Variants in PRKAR1A observed in about 807,000 individuals in gnomAD.
The protein encoded by PRKAR1A is protein kinase cAMP-dependent type I regulatory subunit alpha.
PRKAR1A carries 3 observed loss-of-function variants against 52.0 expected under a neutral mutation model. That is an observed-to-expected ratio of 0.06 (90% CI 0.03 to 0.15). The LOEUF is 0.15. PRKAR1A is among the 10% of genes least tolerant of loss of function. The probability of loss-of-function intolerance (pLI) is 1.00; values close to 1 mark genes in which losing one functional copy is unlikely to be tolerated. For missense variants in PRKAR1A, 240 were observed against 477.4 expected (o/e 0.50, Z 4.63); for synonymous variants, 188 against 168.4 (o/e 1.12, Z -0.90).
At chr17:68,454,886 C>G in the PRKAR1A span, among the ~76,000 whole-genome samples, 2 of 149,306 alleles carry the variant, frequency 1.3e-5, no homozygotes, top group African/African-American at 2.4e-5. Context: ...GAGAAAATCA[C>G]AGAGTGATGT....
At chr17:68,451,656 C>G in the PRKAR1A span, among the ~76,000 whole-genome samples, 40 of 152,310 alleles carry the variant, frequency 2.6e-4, no homozygotes, top group Admixed American at 7.8e-4. Flanking sequence ...CTTCAGAATT[C>G]TTCTTGTCCT....
Position 68,532,096 on chromosome 17 carries a change from G to C in PRKAR1A, c.*1647G>C. ...GGGAAGAGGTTTTATTTACATTTTA[G>C]GGTGGGTAAGAAAGCCACCTTGTTA... On this transcript the variant is annotated 3_prime_UTR_variant, in exon 11 of 11. Coordinates refer to ENST00000589228, the MANE Select transcript of PRKAR1A (RefSeq NM_002734.5). The C allele has an allele frequency of 9.4e-7, 1 of 1,064,816 alleles. No individual in the cohort carries two copies. The highest frequency in any genetic ancestry group is 1.1e-6 in the Non-Finnish European group (1 of 878,752). The allele number at this position is 1,064,816 out of a possible 1,614,324, so 66.0% of individuals were successfully genotyped here.
intron 3 of PRKAR1A, 25 bp from the exon 4 acceptor site, chr17:68,523,700 C>T: frequency 6.3e-7 from 1 of 1,577,046 alleles, no homozygotes; most frequent in Non-Finnish European, 8.7e-7. Flanking sequence ...ATGGAATTGT[C>T]ATTTGACCTT....
chr17:68,510,571 T>C (rs1356403820), upstream of PRKAR1A, among the ~76,000 whole-genome samples: 1 of 152,178 alleles, frequency 6.6e-6, no homozygotes, highest in Non-Finnish European at 1.5e-5. Flanking sequence ...TTTCTTCCCA[T>C]AACATGACCG....
rs2085663473 is a variant in PRKAR1A, at chr17:68,522,942, G to A, written c.348+16G>A. The A allele has an allele frequency of 5.0e-6, 8 of 1,612,552 alleles. No individual in the cohort carries two copies. Among genetic ancestry groups the A allele is most frequent in the Non-Finnish European group, 6.8e-6 (8 of 1,179,768 alleles). Reference sequence around the variant, plus strand: ...TGTTAGAAAGGTAGTTTTGATATTTGAATATCGGGGGGATGCTTTTGGGAC... The same window carrying A: ...TGTTAGAAAGGTAGTTTTGATATTTAAATATCGGGGGGATGCTTTTGGGAC... On this transcript the variant is annotated intron_variant, in intron 3 of 10. Transcript: ENST00000589228.
chr17:68,437,948 TAAAAAAAAAAAA>T, the PRKAR1A span, among the ~76,000 whole-genome samples: 3 of 78,802 alleles, frequency 3.8e-5, no homozygotes, highest in African/African-American at 9.5e-5. Context: ...ACATCTCTCT[TAAAAAAAAAAAA>T]AAAAAAAAAA....
chr17:68,542,879 G>A (rs1395030949), intron 11 of PRKAR1A: 12 of 1,208,546 alleles, frequency 9.9e-6, no homozygotes, highest in African/African-American at 3.0e-5. Context: ...TTTGTCCCCC[G>A]GCCAGTGCAC....
chr17:68,496,134 C>T, the PRKAR1A span, among the ~76,000 whole-genome samples: 61 of 136,750 alleles, frequency 4.5e-4, no homozygotes, highest in East Asian at 8.7e-4. Context: ...CTCCGCCTCC[C>T]GGGGTCAAGC....
the PRKAR1A span, among the ~76,000 whole-genome samples, chr17:68,445,510 C>CT: frequency 0.12 from 18,205 of 152,234 alleles, 1,185 homozygotes; most frequent in South Asian, 0.21. Flanking sequence ...GGCTTCGGCC[C>CT]CATTTGAACA....
the PRKAR1A span, among the ~76,000 whole-genome samples, chr17:68,487,934 C>A: frequency 6.7e-6 from 1 of 149,432 alleles, no homozygotes; most frequent in Non-Finnish European, 1.5e-5. Context: ...AAAAAAAACT[C>A]AAAAATAAAT....
chr17:68,433,164 T>C, the PRKAR1A span, among the ~76,000 whole-genome samples: 1 of 152,278 alleles, frequency 6.6e-6, no homozygotes, highest in Non-Finnish European at 1.5e-5. Flanking sequence ...CATTTAATAC[T>C]ACTGTTATGT....
At chr17:68,496,737 T>TG in the PRKAR1A span, among the ~76,000 whole-genome samples, 1 of 151,836 alleles carries the variant, frequency 6.6e-6, no homozygotes, top group Admixed American at 6.6e-5. Flanking sequence ...TTTGTTCAAA[T>TG]GGAGTTTATA....
the PRKAR1A span, among the ~76,000 whole-genome samples, chr17:68,442,694 C>A: frequency 6.6e-6 from 1 of 152,330 alleles, no homozygotes; most frequent in African/African-American, 2.4e-5. Context: ...GCCCTGCCAG[C>A]CTCAAGCTCT....
At chr17:68,495,652 G>C in the PRKAR1A span, among the ~76,000 whole-genome samples, 1 of 152,082 alleles carries the variant, frequency 6.6e-6, no homozygotes, top group Non-Finnish European at 1.5e-5. Flanking sequence ...CACATACATT[G>C]TAGCACATTT....
downstream of PRKAR1A, chr17:68,537,066 T>G (rs1046099326): frequency 4.4e-6 from 2 of 458,368 alleles, no homozygotes; most frequent in East Asian, 6.9e-5. The surrounding 1 kb of genome is among the most constrained non-coding windows in gnomAD (Gnocchi z 4.2). Context: ...GTGTTTTGTC[T>G]GGACCAGGAG....
At chr17:68,452,967 C>T in the PRKAR1A span, 176 of 1,613,930 alleles carry the variant, frequency 1.1e-4, no homozygotes, top group African/African-American at 4.0e-5. Flanking sequence ...AGCTTATACC[C>T]GGCTTTAGTT....
At position 68,542,102 on chromosome 17, in the gene PRKAR1A, C is replaced by T. The variant is rs981673034; in HGVS notation, c.974-8982C>T. 3 of 1,613,778 alleles carry T rather than the reference C, an allele frequency of 1.9e-6. No homozygotes were observed. Among genetic ancestry groups the T allele is most frequent in the Admixed American group, 1.7e-5 (1 of 59,990 alleles). Reference sequence around the variant, plus strand: ...GGAACCCTCCAGCAGGTGTGGGTTGCCACAGACAGCATACTCCGTCTTGCA... The same window carrying T: ...GGAACCCTCCAGCAGGTGTGGGTTGTCACAGACAGCATACTCCGTCTTGCA... On this transcript the variant is annotated intron_variant, in intron 11 of 11. Transcript: ENST00000585981.
At chr17:68,457,641 G>C in the PRKAR1A span, 2 of 331,784 alleles carry the variant, frequency 6.0e-6, no homozygotes, top group East Asian at 5.9e-5. Context: ...CCCTCCAGCT[G>C]GTCCCGAGGA....
At chr17:68,458,562 G>T in the PRKAR1A span, among the ~76,000 whole-genome samples, 5 of 152,212 alleles carry the variant, frequency 3.3e-5, no homozygotes, top group African/African-American at 1.2e-4. Flanking sequence ...TGAAAAAAAT[G>T]AAAGTGTGTG....
Sources: gnomAD v4.1 joint callset for allele counts (sites outside exome capture counted in the v4.1 genomes callset) on GRCh38, gnomAD v4.1.1 for gene constraint, Gnocchi (gnomAD v3.1) non-coding constraint, MANE v1.5 for transcripts, NCBI Gene and HGNC (gene_info 2026-07-23, HGNC 2026-07-21) for gene names.